The following OXTR variants were observed in gnomAD, a reference collection of about 807,000 sequenced individuals.
The protein encoded by OXTR is oxytocin receptor.
A neutral mutation model predicts 23.9 loss-of-function variants in OXTR; 19 were observed. The observed-to-expected ratio is 0.80, with a 90% confidence interval of 0.56 to 1.17. The LOEUF is 1.17. Ranked by LOEUF, OXTR falls within the 50% of genes most tolerant of loss-of-function variation. The pLI is 0.00. For missense variants in OXTR, 500 were observed against 550.7 expected, an observed-to-expected ratio of 0.91 and a Z score of 0.92; for synonymous variants, 278 against 250.5, an observed-to-expected ratio of 1.11 and a Z score of -1.04.
rs763954675 is a variant in OXTR at position 8,767,775 on chromosome 3, C to T, written c.413G>A (p.Cys138Tyr). Residue 138 changes from cysteine (C) to tyrosine (Y), a missense_variant, in exon 3 of 4, where the codon TGC becomes TAC. Physicochemically the swap from Cys to Tyr is radical, Grantham distance 194 (BLOSUM62 -2). Coordinates refer to ENST00000316793, the MANE Select transcript of OXTR (RefSeq NM_000916.4). ...YLLLLMSLDR[C>Y]LAICQPLRSL... Reference sequence around the variant, plus strand: ...GCGCAGCGGCTGGCAGATGGCCAGGCAGCGGTCCAGGGACATGAGCAGCAG... The same window carrying T: ...GCGCAGCGGCTGGCAGATGGCCAGGTAGCGGTCCAGGGACATGAGCAGCAG... The T allele has an allele frequency of 9.3e-6, 15 of 1,605,472 alleles. No individual in the cohort carries two copies. In the East Asian group the frequency reaches 3.1e-4, roughly 34 times the overall value.
chr3:8,757,614 G>A (rs931390659), intron 3 of OXTR, among the ~76,000 whole-genome samples: 4 of 152,144 alleles, frequency 2.6e-5, no homozygotes, highest in Admixed American at 2.0e-4. Flanking sequence ...TCCGCTGGAA[G>A]AGCCAGTTCT....
In OXTR at chr3:8,764,631, C is replaced by T. The variant is rs77708654; in HGVS notation, c.922+2635G>A. Among the ~76,000 whole-genome samples, 250 of 152,286 alleles carry T rather than the reference C, an allele frequency of 1.6e-3. 4 individuals carry two copies. In the East Asian group the frequency reaches 0.019, roughly 12 times the overall value. On this transcript the variant is annotated intron_variant, in intron 3 of 3. Coordinates refer to ENST00000316793, the MANE Select transcript of OXTR (RefSeq NM_000916.4). ...TCCAAATTAAGGCCAAGTGGACACA[C>T]GGCTGGTGTTCTAACTGAGCTCACA...
chr3:8,767,436 T>C lies in OXTR; in HGVS notation c.752A>G (p.Asp251Gly). 6.2e-7 allele frequency: 1 copy of C among 1,605,058 alleles called. No individual in the cohort carries two copies. Among genetic ancestry groups the C allele is most frequent in the Non-Finnish European group, 8.5e-7 (1 of 1,176,222 alleles). Reference sequence around the variant, plus strand: ...ACGCGCCAGGGCCACGCGCCCCCCATCGCCAGCCGCCGCGCCCTCTGGCGC... The same window carrying C: ...ACGCGCCAGGGCCACGCGCCCCCCACCGCCAGCCGCCGCGCCCTCTGGCGC... ...AEAPEGAAAG[D>G]GGRVALARVS... The change falls in exon 3 of 4, where the codon GAT (aspartate) becomes GGT (glycine). Residue 251 changes from aspartate (D) to glycine (G), a missense_variant. Asp to Gly is a moderately conservative substitution (Grantham distance 94, BLOSUM62 -1). Coordinates refer to ENST00000316793, the MANE Select transcript of OXTR (RefSeq NM_000916.4).
At chr3:8,758,184 C>T (rs560611948) in intron 3 of OXTR, among the ~76,000 whole-genome samples, 8 of 152,200 alleles carry the variant, frequency 5.3e-5, no homozygotes, top group African/African-American at 2.4e-5. Context: ...CAGAGGTCCA[C>T]GTTCCATCCT....
chr3:8,763,959 C>G (rs1481700546), intron 3 of OXTR, among the ~76,000 whole-genome samples: 1 of 152,042 alleles, frequency 6.6e-6, no homozygotes, highest in East Asian at 1.9e-4. Flanking sequence ...TTCCTTATAT[C>G]TATTTTATCT....
In OXTR at chr3:8,767,966, G is replaced by A. The variant is rs1708669997; in HGVS notation, c.222C>T (p.Leu74=). ...LRTTRQKHSR[L]FFFMKHLSIA... is the part of the protein sequence containing the mutation. ...TGCTTAGGTGCTTCATGAAGAAGAA[G>A]AGGCGCGAGTGCTTCTGGCGTGTGG... The change falls in exon 3 of 4, where the codon CTC becomes CTT. Residue 74 remains leucine, a synonymous_variant. Transcript: ENST00000316793. The A allele has an allele frequency of 2.5e-6, 4 of 1,612,838 alleles. No individual in the cohort carries two copies. Among genetic ancestry groups the A allele is most frequent in the Non-Finnish European group, 3.4e-6 (4 of 1,179,622 alleles).
At chr3:8,746,076 C>T (rs1235784835), downstream of OXTR, 3 of 560,712 alleles carry the variant, frequency 5.4e-6, no homozygotes, top group Non-Finnish European at 9.6e-6. Context: ...CCAGCCCCAC[C>T]ATGATGCCCC....
At chr3:8,763,770 C>T (rs1203526361) in intron 3 of OXTR, among the ~76,000 whole-genome samples, 2 of 152,176 alleles carry the variant, frequency 1.3e-5, no homozygotes, top group Admixed American at 1.3e-4. Context: ...CCCATTGGCT[C>T]TTTCTTCGGA....
At chr3:8,745,929 G>C (rs1375280029), downstream of OXTR, 4 of 1,394,222 alleles carry the variant, frequency 2.9e-6, no homozygotes, top group African/African-American at 1.4e-5. The surrounding 1 kb of genome is among the most constrained non-coding windows in gnomAD (Gnocchi z 4.8). Context: ...GTCCCCGGGG[G>C]ACTTCTTCAC....
the OXTR span, chr3:8,744,801 A>T: frequency 6.6e-6 from 1 of 152,272 alleles, no homozygotes; most frequent in East Asian, 1.9e-4. Context: ...GAGAGCTGCG[A>T]CTATAGCACT....
downstream of OXTR, chr3:8,745,421 G>A: frequency 1.2e-6 from 1 of 862,404 alleles, no homozygotes; most frequent in Non-Finnish European, 1.9e-6. This position sits in a 1 kb window ranked among gnomAD's most constrained non-coding sequence, Gnocchi z 4.8. Context: ...AGCCACCAAG[G>A]TTAACCTGAC....
downstream of OXTR, among the ~76,000 whole-genome samples, chr3:8,749,136 T>A (rs993464089): frequency 6.6e-6 from 1 of 152,112 alleles, no homozygotes; most frequent in Non-Finnish European, 1.5e-5. Flanking sequence ...CGCTCATTCT[T>A]CTAGGCTTTA....
At chr3:8,753,303 A>C in intron 3 of OXTR, 79 bp from the exon 4 acceptor site, 1 of 1,502,804 alleles carries the variant, frequency 6.7e-7, no homozygotes, top group Non-Finnish European at 9.1e-7. Flanking sequence ...TCTGACTTAA[A>C]CATCATTTCC....
At chr3:8,749,334 G>C (rs1488175020), downstream of OXTR, among the ~76,000 whole-genome samples, 2 of 152,288 alleles carry the variant, frequency 1.3e-5, no homozygotes, top group African/African-American at 2.4e-5. Context: ...CATCCCACTT[G>C]GTTCTGATGC....
rs1708466175 is a variant in OXTR, at chr3:8,760,719, G to A, written c.922+6547C>T. 2.0e-5 allele frequency among the ~76,000 whole-genome samples: 3 copies of A among 152,196 alleles called. No individual in the cohort carries two copies. The South Asian group carries it at 6.2e-4, about 32-fold the overall frequency. ...CAATGGACTTGGGCTTCAAAGGATG[G>A]GAATCCGTGGAAGAAACTGGGGTGG... On this transcript the variant is annotated intron_variant, in intron 3 of 3. Coordinates refer to ENST00000316793, the MANE Select transcript of OXTR (RefSeq NM_000916.4).
chr3:8,743,265 T>A, the OXTR span, among the ~76,000 whole-genome samples: 1 of 152,110 alleles, frequency 6.6e-6, no homozygotes. Flanking sequence ...GATGTATGGA[T>A]GAATACATGA....
At chr3:8,742,406 A>C in the OXTR span, 1 of 392,924 alleles carries the variant, frequency 2.5e-6, no homozygotes, top group South Asian at 1.8e-5. Context: ...TAATTAAAAG[A>C]CACATACAGA....
At chr3:8,753,256 A>G in intron 3 of OXTR, 32 bp from the exon 4 acceptor site, 1 of 1,609,992 alleles carries the variant, frequency 6.2e-7, no homozygotes, top group Non-Finnish European at 8.5e-7. Context: ...AAAGGAGAAA[A>G]GGGCATTAAT....
At chr3:8,764,175 C>T (rs1293298933) in intron 3 of OXTR, among the ~76,000 whole-genome samples, 6 of 115,438 alleles carry the variant, frequency 5.2e-5, no homozygotes, top group South Asian at 2.3e-4. Context: ...CCACCAGAAG[C>T]GTGACATTCC....
Sources: allele counts gnomAD v4.1 joint callset (sites outside exome capture counted in the v4.1 genomes callset), GRCh38; gene constraint gnomAD v4.1.1; non-coding constraint Gnocchi (gnomAD v3.1); transcripts MANE v1.5; gene names NCBI Gene and HGNC (gene_info 2026-07-23, HGNC 2026-07-21).